Variants in SLC17A2 observed in about 807,000 individuals in gnomAD.
The protein encoded by SLC17A2 is sodium-dependent phosphate transport protein 3.
In SLC17A2, 38 loss-of-function variants were observed where a neutral mutation model predicts 52.1. That is an observed-to-expected ratio of 0.73 (90% CI 0.56 to 0.96). SLC17A2 has a LOEUF of 0.96. Ranked by LOEUF, SLC17A2 falls within the 40% of genes least tolerant of loss-of-function variation. SLC17A2 has a pLI of 0.00. For missense variants in SLC17A2, 508 were observed against 583.9 expected (o/e 0.87, Z 1.34); for synonymous variants, 226 against 211.9 (o/e 1.07, Z -0.58).
chr6:25,921,036 G>C lies in SLC17A2; in HGVS notation c.532C>G (p.Arg178Gly). The C allele has an allele frequency of 6.2e-7, 1 of 1,614,196 alleles. No homozygotes were observed. The highest frequency in any genetic ancestry group is 8.5e-7 in the Non-Finnish European group (1 of 1,180,034). ...CCTGCAATGGTGGTGAGCTTGCTTC[G>C]TTCAAGTGGAGGAGCCCACTTTGCC... ...IWAKWAPPLE[R>G]SKLTTIAGSG... The change falls in exon 5 of 12, where the codon CGA becomes GGA. Residue 178 changes from arginine (R) to glycine (G), a missense_variant. Transcript: ENST00000377850.
At chr6:25,918,700 C>G in intron 5 of SLC17A2, 127 bp from the exon 6 acceptor site, 1 of 614,964 alleles carries the variant, frequency 1.6e-6, no homozygotes, top group Non-Finnish European at 3.0e-6. Context: ...GTATTTATTT[C>G]TAAAATAGCT....
intron 1 of SLC17A2, among the ~76,000 whole-genome samples, chr6:25,929,419 A>G (rs1236394271): frequency 2.0e-5 from 3 of 152,244 alleles, no homozygotes; most frequent in Non-Finnish European, 2.9e-5. Context: ...AAACAGTCAC[A>G]ATATTGGCAG....
intron 11 of SLC17A2, 168 bp downstream of exon 11, chr6:25,914,412 A>G (rs535877614): frequency 1.1e-4 from 64 of 600,510 alleles, no homozygotes; most frequent in Non-Finnish European, 1.8e-4. Context: ...TTGAGAAAAT[A>G]AGCTTATATT....
Position 25,915,583 on chromosome 6 carries a change from G to A in SLC17A2, c.1127C>T (p.Thr376Ile). 1 of 1,611,234 alleles carries A rather than the reference G, an allele frequency of 6.2e-7. No homozygotes were observed. The highest frequency in any genetic ancestry group is 1.1e-5 in the South Asian group (1 of 90,752). ...AGGAATAAGTATCAGCAAAATAATGGTTATCACGTAACTGGAGGCCACAAA... is the reference window on the plus strand; with the variant it reads ...AGGAATAAGTATCAGCAAAATAATGATTATCACGTAACTGGAGGCCACAAA... ...LPFVASSYVITIILLILIPGT... is the reference protein window; with the variant it reads ...LPFVASSYVIIIILLILIPGT... The change falls in exon 10 of 12, where the codon ACC (threonine) becomes ATC (isoleucine). Residue 376 changes from threonine (T) to isoleucine (I), a missense_variant. Coordinates refer to ENST00000377850, the MANE Select transcript of SLC17A2 (RefSeq NM_001286123.3).
intron 1 of SLC17A2, among the ~76,000 whole-genome samples, chr6:25,926,548 A>T (rs1375864369): frequency 6.6e-6 from 1 of 152,238 alleles, no homozygotes; most frequent in Admixed American, 6.5e-5. Flanking sequence ...AGCTATTGTG[A>T]CAGGCAAAGA....
rs1201060333 is a variant in SLC17A2 at position 25,921,048 on chromosome 6, G to A, written c.520C>T (p.Pro174Ser). The A allele has an allele frequency of 6.2e-7, 1 of 1,614,144 alleles. No individual in the cohort carries two copies. Among genetic ancestry groups the A allele is most frequent in the South Asian group, 1.1e-5 (1 of 91,070 alleles). ...GQFTIWAKWA[P>S]PLERSKLTTI... ...GTGAGCTTGCTTCGTTCAAGTGGAG[G>A]AGCCCACTTTGCCCAAATAGTAAAC... Residue 174 changes from proline (P) to serine (S), a missense_variant, in exon 5 of 12, where the codon CCT becomes TCT. Pro to Ser is a moderately conservative substitution (Grantham distance 74). Transcript: ENST00000377850.
chr6:25,915,516 G>A lies in SLC17A2; in HGVS notation c.1194C>T (p.Thr398=), dbSNP rs750272418. The change falls in exon 10 of 12, where the codon ACC becomes ACT. Residue 398 remains threonine (T), a synonymous_variant. Transcript: ENST00000377850. Reference sequence around the variant, plus strand: ...GCTCTTACCTGGGGGCGATATCTAAGGTGTTGATGATAAACCCTGAGTCAC... The same window carrying A: ...GCTCTTACCTGGGGGCGATATCTAAAGTGTTGATGATAAACCCTGAGTCAC... ...NLCDSGFIIN[T]LDIAPRYASF... 1.9e-6 allele frequency: 3 copies of A among 1,555,038 alleles called. No homozygotes were observed. The highest frequency in any genetic ancestry group is 2.6e-6 in the Non-Finnish European group (3 of 1,149,482).
At chr6:25,926,176 T>C (rs929177528) in intron 1 of SLC17A2, among the ~76,000 whole-genome samples, 4 of 152,198 alleles carry the variant, frequency 2.6e-5, no homozygotes, top group Non-Finnish European at 5.9e-5. Context: ...AAAAATTGCA[T>C]GTACTTTATC....
At chr6:25,915,149 GTATATA>G (rs59580107) in intron 10 of SLC17A2, among the ~76,000 whole-genome samples, 1,919 of 57,892 alleles carry the variant, frequency 0.033, 205 homozygotes, top group Middle Eastern at 0.1. Flanking sequence ...TATTGTGACT[GTATATA>G]TATATATATA....
Position 25,913,250 on chromosome 6 carries a change from G to A in SLC17A2, c.*67C>T. 1 of 1,556,590 alleles carries A rather than the reference G, an allele frequency of 6.4e-7. No homozygotes were observed. On this transcript the variant is annotated 3_prime_UTR_variant, in exon 12 of 12. Coordinates refer to ENST00000377850, the MANE Select transcript of SLC17A2 (RefSeq NM_001286123.3). ...TGCTGAGTCTATGGTCAGGAATATG[G>A]AGAGAAGTAAAAAATGTTTAAAAAG... is the stretch of plus-strand genomic sequence containing the variant.
chr6:25,914,363 C>T (rs754376701), intron 11 of SLC17A2, among the ~76,000 whole-genome samples: 6 of 152,260 alleles, frequency 3.9e-5, no homozygotes, highest in Middle Eastern at 3.4e-3. Flanking sequence ...TCTTCTGCAC[C>T]GGAACAGCTC....
chr6:25,920,893 A>T lies in SLC17A2; in HGVS notation c.562+113T>A, dbSNP rs60635508. 2.8e-4 allele frequency: 258 copies of T among 937,194 alleles called. No individual in the cohort carries two copies. The African/African-American group carries it at 3.5e-3, about 13-fold the overall frequency. The allele number at this position is 937,194 out of a possible 1,614,324, so 58.1% of individuals were successfully genotyped here. A position where few individuals can be genotyped will look rare whatever the true frequency, so the allele number is the denominator to read the frequency against. On this transcript the variant is annotated intron_variant, in intron 5 of 11. Transcript: ENST00000377850. The stretch of plus-strand genomic sequence containing the variant: ...GTGATGCAAGTGTCTTATATTGTTG[A>T]ATTTTTCAGCAGTACTTTTTCTCTC...
rs772517279 is a variant in SLC17A2 at position 25,923,913 on chromosome 6, A to G, written c.29-7T>C. The G allele has an allele frequency of 6.2e-7, 1 of 1,611,450 alleles. No individual in the cohort carries two copies. Among genetic ancestry groups the G allele is most frequent in the African/African-American group, 1.3e-5 (1 of 74,886 alleles). On this transcript the variant is annotated splice_region_variant and splice_polypyrimidine_tract_variant and intron_variant, in intron 2 of 11. Coordinates refer to ENST00000377850, the MANE Select transcript of SLC17A2 (RefSeq NM_001286123.3). Reference sequence around the variant, plus strand: ...AATGAACAGAAATCTGGACCTAGACAACAACACAGATGTATGTAGTGAGCA... The same window carrying G: ...AATGAACAGAAATCTGGACCTAGACGACAACACAGATGTATGTAGTGAGCA...
intron 10 of SLC17A2, 99 bp from the exon 11 acceptor site, chr6:25,914,769 C>A: frequency 2.8e-6 from 2 of 715,310 alleles, no homozygotes; most frequent in South Asian, 3.5e-5. Flanking sequence ...ATGGCAAAGT[C>A]ATTTTGCTTA....
In SLC17A2 at chr6:25,915,827, G is replaced by C; in HGVS notation, c.972C>G (p.Ser324Arg). 1 of 1,614,132 alleles carries C rather than the reference G, an allele frequency of 6.2e-7. No individual in the cohort carries two copies. Among genetic ancestry groups the C allele is most frequent in the Non-Finnish European group, 8.5e-7 (1 of 1,179,990 alleles). The change falls in exon 9 of 12, where the codon AGC becomes AGG. Residue 324 changes from serine to arginine, a missense_variant. Physicochemically the swap from Ser to Arg is moderately radical, Grantham distance 110. Transcript: ENST00000377850. ...CCAGCTGACCTCCTAAAATTGTACA[G>C]CTTGCAGCAGCAATAAAAGGCAGGG... ...LSSLPFIAAA[S>R]CTILGGQLAD...
chr6:25,923,048 G>A (rs908432225), intron 3 of SLC17A2, among the ~76,000 whole-genome samples: 3 of 152,026 alleles, frequency 2.0e-5, no homozygotes, highest in African/African-American at 7.2e-5. Flanking sequence ...TTAGCCAGCC[G>A]CGGTGGCATG....
chr6:25,923,686 C>T lies in SLC17A2; in HGVS notation c.240+9G>A. ...CTCAACAAAGAGCCCTATTTTCCAT[C>T]ATACTTACCTTTGTATCAAATTCCT... On this transcript the variant is annotated intron_variant, in intron 3 of 11. Coordinates refer to ENST00000377850, the MANE Select transcript of SLC17A2 (RefSeq NM_001286123.3). 6.2e-7 allele frequency: 1 copy of T among 1,610,782 alleles called. No individual in the cohort carries two copies.
chr6:25,919,699 CAAAAAAAAAAAAA>C (rs766352177), intron 5 of SLC17A2, among the ~76,000 whole-genome samples: 863 of 31,160 alleles, frequency 0.028, 27 homozygotes, highest in Middle Eastern at 0.1. Context: ...GACACCGTCT[CAAAAAAAAAAAAA>C]AAAAAAAAAA....
At position 25,923,860 on chromosome 6, in the gene SLC17A2, G is replaced by A. The variant is rs1766653873; in HGVS notation, c.75C>T (p.His25=). The change falls in exon 3 of 12, where the codon CAC becomes CAT. Residue 25 remains histidine, a synonymous_variant. Transcript: ENST00000377850. ...GCGTTATCATGGTGAAGTTTGAGAAGTGCATGATAAGAGCCAGCCCATAGC... is the reference window on the plus strand; with the variant it reads ...GCGTTATCATGGTGAAGTTTGAGAAATGCATGATAAGAGCCAGCCCATAGC... ...SLRYGLALIM[H]FSNFTMITQR... 4 of 1,614,188 alleles carry A rather than the reference G, an allele frequency of 2.5e-6. No individual in the cohort carries two copies. The highest frequency in any genetic ancestry group is 3.4e-6 in the Non-Finnish European group (4 of 1,180,030).
Sources: gnomAD v4.1 joint callset for allele counts (sites outside exome capture counted in the v4.1 genomes callset) on GRCh38, gnomAD v4.1.1 for gene constraint, MANE v1.5 for transcripts, NCBI Gene and HGNC (gene_info 2026-07-23, HGNC 2026-07-21) for gene names.